ZCCHC2: variants seen among roughly 807,000 people sequenced by gnomAD.
ZCCHC2 encodes the protein zinc finger CCHC domain-containing protein 2.
ZCCHC2 carries 39 observed loss-of-function variants against 103.6 expected under a neutral mutation model. The ratio of observed to expected loss-of-function variants is 0.38; its 90% CI spans 0.29 to 0.49. The LOEUF (loss-of-function observed/expected upper bound fraction) is 0.49, where lower values mean the gene tolerates loss of function less well. Among genes scored for constraint, ZCCHC2 ranks in the 20% least tolerant of loss-of-function variants. ZCCHC2 has a pLI of 0.96. For missense variants in ZCCHC2, 1,483 were observed against 1,491.0 expected (o/e 0.99, Z 0.09); for synonymous variants, 687 against 608.9 (o/e 1.13, Z -1.89).
intron 1 of ZCCHC2, among the ~76,000 whole-genome samples, chr18:62,529,666 AT>A (rs1271765006): frequency 6.6e-6 from 1 of 152,142 alleles, no homozygotes; most frequent in Non-Finnish European, 1.5e-5. Flanking sequence ...CCCCAGTTAC[AT>A]TTTTCTATGC....
intron 11 of ZCCHC2, among the ~76,000 whole-genome samples, chr18:62,567,177 C>T (rs965298771): frequency 6.6e-6 from 1 of 152,170 alleles, no homozygotes; most frequent in Non-Finnish European, 1.5e-5. Flanking sequence ...TTTTAAAAAA[C>T]CCCTCTGTGT....
At chr18:62,539,543 C>T (rs1720101769) in intron 1 of ZCCHC2, 138 bp from the exon 2 acceptor site, 1 of 593,786 alleles carries the variant, frequency 1.7e-6, no homozygotes, top group Non-Finnish European at 3.0e-6. Context: ...TGCCTTTGTG[C>T]CCATAGTGTG....
intron 2 of ZCCHC2, among the ~76,000 whole-genome samples, chr18:62,540,577 A>G (rs143040475): frequency 4.6e-5 from 7 of 152,220 alleles, no homozygotes; most frequent in Admixed American, 1.3e-4. Context: ...CGGTACTCCT[A>G]TCTTCCCAAC....
chr18:62,552,244 C>T (rs1324209345), intron 5 of ZCCHC2: 2 of 152,230 alleles, frequency 1.3e-5, no homozygotes, highest in Non-Finnish European at 2.9e-5. Flanking sequence ...CCAGCTTGGT[C>T]TGGAAGGATC....
At chr18:62,540,814 T>C (rs1164241327) in intron 2 of ZCCHC2, among the ~76,000 whole-genome samples, 2 of 152,216 alleles carry the variant, frequency 1.3e-5, no homozygotes, top group Non-Finnish European at 2.9e-5. Flanking sequence ...AGTTTTAATT[T>C]ATGAGGGTTG....
At chr18:62,552,377 A>T (rs1050850143) in intron 5 of ZCCHC2, 1 of 152,226 alleles carries the variant, frequency 6.6e-6, no homozygotes, top group Non-Finnish European at 1.5e-5. Context: ...GGATCTGAGG[A>T]ATAGAAGGTA....
Position 62,523,886 on chromosome 18 carries a change from C to T in ZCCHC2, c.462C>T (p.Gly154=), listed in dbSNP as rs937882789. The change falls in exon 1 of 14, where the codon GGC becomes GGT. Residue 154 remains glycine, a synonymous_variant. Coordinates refer to ENST00000269499, the MANE Select transcript of ZCCHC2 (RefSeq NM_017742.6). ...GCGACTCGGAGGCCAAGGCCAACGGCCTCTCGGACCCGGGGCCGCTGGCCG... is the reference window on the plus strand; with the variant it reads ...GCGACTCGGAGGCCAAGGCCAACGGTCTCTCGGACCCGGGGCCGCTGGCCG... ...YLRDSEAKAN[G]LSDPGPLADF... is the part of the protein sequence containing the mutation. 3.0e-5 allele frequency: 47 copies of T among 1,541,498 alleles called. No individual in the cohort carries two copies. The highest frequency in any genetic ancestry group is 2.1e-4 in the African/African-American group (15 of 72,528).
chr18:62,567,905 A>G (rs2145527772), intron 11 of ZCCHC2, among the ~76,000 whole-genome samples: 1 of 138,902 alleles, frequency 7.2e-6, no homozygotes, highest in African/African-American at 2.8e-5. Context: ...AGATTGCACC[A>G]CTGTACTCCA....
At chr18:62,571,416 A>T (rs1916596236) in intron 12 of ZCCHC2, among the ~76,000 whole-genome samples, 1 of 152,108 alleles carries the variant, frequency 6.6e-6, no homozygotes, top group Admixed American at 6.5e-5. Context: ...ATGCCTTGAG[A>T]TTTTCTTTTC....
At chr18:62,575,638 A>C (rs1177916727) in intron 13 of ZCCHC2, 88 bp downstream of exon 13, 5 of 1,446,592 alleles carry the variant, frequency 3.5e-6, no homozygotes, top group Non-Finnish European at 4.7e-6. Flanking sequence ...CTGTTGTAGC[A>C]GAAAGATCTG....
At chr18:62,533,473 C>T (rs1319433689) in intron 1 of ZCCHC2, among the ~76,000 whole-genome samples, 5 of 150,540 alleles carry the variant, frequency 3.3e-5, no homozygotes, top group East Asian at 4.0e-4. Flanking sequence ...TGCAGTGAGC[C>T]GAGATCATGC....
At position 62,576,555 on chromosome 18, in the gene ZCCHC2, T is replaced by G; in HGVS notation, c.3513T>G (p.Asn1171Lys). The G allele has an allele frequency of 6.2e-7, 1 of 1,613,868 alleles. No homozygotes were observed. Among genetic ancestry groups the G allele is most frequent in the Non-Finnish European group, 8.5e-7 (1 of 1,179,812 alleles). ...LRYAPPLPPS[N>K]DTLDSAD ...ACGCACCTCCCCTCCCCCCTTCTAA[T>G]GATACGTTGGATTCTGCAGACTGAA... Residue 1171 changes from asparagine to lysine, a missense_variant, in exon 14 of 14, where the codon AAT (asparagine) becomes AAG (lysine). Asn to Lys is a moderately conservative substitution (Grantham distance 94). Coordinates refer to ENST00000269499, the MANE Select transcript of ZCCHC2 (RefSeq NM_017742.6).
At chr18:62,533,265 C>T (rs552610682) in intron 1 of ZCCHC2, among the ~76,000 whole-genome samples, 9 of 152,198 alleles carry the variant, frequency 5.9e-5, no homozygotes, top group African/African-American at 2.2e-4. Flanking sequence ...GTGGCTTACG[C>T]CTGTAATCCC....
chr18:62,566,474 G>A (rs765072670), intron 11 of ZCCHC2, among the ~76,000 whole-genome samples: 1 of 152,174 alleles, frequency 6.6e-6, no homozygotes, highest in Non-Finnish European at 1.5e-5. Flanking sequence ...GGAGATTGAT[G>A]CTGCTGGCCC....
exon 15 of ZCCHC2, chr18:62,586,255 T>A (rs1362666230): frequency 6.6e-6 from 1 of 152,190 alleles, no homozygotes; most frequent in African/African-American, 2.4e-5. Context: ...TTTACAGTTC[T>A]TTACGCTTTC....
Position 62,550,371 on chromosome 18 carries a change from G to C in ZCCHC2, c.1224G>C (p.Glu408Asp), listed in dbSNP as rs780540778. The C allele has an allele frequency of 1.5e-5, 25 of 1,613,604 alleles. No homozygotes were observed. Among genetic ancestry groups the C allele is most frequent in the Non-Finnish European group, 2.0e-5 (24 of 1,179,798 alleles). The stretch of plus-strand genomic sequence containing the variant: ...AGCTTCCAAAGGAACTGTCTTCAGA[G>C]ACTTTTGACAAGACCATCTTAAGAG... ...LLKLPKELSS[E>D]TFDKTILRAL... The change falls in exon 5 of 14, where the codon GAG (glutamate) becomes GAC (aspartate). Residue 408 changes from glutamate (E) to aspartate (D), a missense_variant. Coordinates refer to ENST00000269499, the MANE Select transcript of ZCCHC2 (RefSeq NM_017742.6).
chr18:62,551,912 C>A (rs529415031), intron 5 of ZCCHC2: 2 of 152,064 alleles, frequency 1.3e-5, no homozygotes, highest in Non-Finnish European at 2.9e-5. Context: ...TTTGGAAAGC[C>A]GATTTCCTGA....
At chr18:62,564,773 A>G in intron 10 of ZCCHC2, 138 bp downstream of exon 10, 2 of 754,072 alleles carry the variant, frequency 2.7e-6, no homozygotes, top group Non-Finnish European at 4.1e-6. Flanking sequence ...TTGGTTCAAA[A>G]TATTAATATA....
intron 10 of ZCCHC2, 47 bp downstream of exon 10, chr18:62,564,682 C>CTATATG: frequency 7.4e-7 from 1 of 1,359,216 alleles, no homozygotes; most frequent in Non-Finnish European, 1.0e-6. Context: ...TGATAATAGG[C>CTATATG]CTGTTTAGTT....
Sources: allele counts gnomAD v4.1 joint callset (sites outside exome capture counted in the v4.1 genomes callset), GRCh38; gene constraint gnomAD v4.1.1; transcripts MANE v1.5; gene names NCBI Gene and HGNC (gene_info 2026-07-23, HGNC 2026-07-21).